Variants in BCAR3 observed in about 807,000 individuals in gnomAD.
BCAR3 encodes breast cancer anti-estrogen resistance protein 3.
BCAR3 carries 37 observed loss-of-function variants against 80.1 expected under a neutral mutation model. The ratio of observed to expected loss-of-function variants is 0.46; its 90% CI spans 0.36 to 0.61. The LOEUF is 0.61. Among genes scored for constraint, BCAR3 ranks in the 20% least tolerant of loss-of-function variants. The pLI is 0.00. For synonymous variants in BCAR3, 389 were observed against 418.9 expected, an observed-to-expected ratio of 0.93 and a Z score of 0.87; for missense variants, 978 against 1,068.2, an observed-to-expected ratio of 0.92 and a Z score of 1.18.
intron 3 of BCAR3, among the ~76,000 whole-genome samples, chr1:93,640,254 C>A (rs78484820): frequency 6.6e-6 from 1 of 152,154 alleles, no homozygotes; most frequent in Non-Finnish European, 1.5e-5. Context: ...ACAGACCCAA[C>A]CCAAGAAGAT....
chr1:93,601,861 G>A (rs1444385970), intron 3 of BCAR3, among the ~76,000 whole-genome samples: 2 of 152,176 alleles, frequency 1.3e-5, no homozygotes, highest in Non-Finnish European at 2.9e-5. Flanking sequence ...TTCTATCCTA[G>A]TTGGGAGTGT....
At chr1:93,629,477 T>C (rs529586188) in intron 3 of BCAR3, among the ~76,000 whole-genome samples, 1 of 152,368 alleles carries the variant, frequency 6.6e-6, no homozygotes, top group African/African-American at 2.4e-5. Context: ...TGACAATTAA[T>C]TCTAATAATA....
At chr1:93,668,536 G>T (rs189457957) in intron 2 of BCAR3, among the ~76,000 whole-genome samples, 1 of 152,090 alleles carries the variant, frequency 6.6e-6, no homozygotes, top group Non-Finnish European at 1.5e-5. Flanking sequence ...CAAACACCGA[G>T]GGGTATTTCA....
intron 2 of BCAR3, among the ~76,000 whole-genome samples, chr1:93,759,559 T>A (rs77753109): frequency 0.019 from 2,818 of 152,218 alleles, 70 homozygotes; most frequent in African/African-American, 0.062. Context: ...AAGTTTCCTG[T>A]TTTTTCTTCA....
intron 2 of BCAR3, among the ~76,000 whole-genome samples, chr1:93,804,634 G>A (rs763940735): frequency 1.7e-4 from 26 of 152,228 alleles, no homozygotes; most frequent in Non-Finnish European, 3.4e-4. Context: ...AGATTTTATC[G>A]TACTACTCAG....
chr1:93,628,643 G>A (rs1269804115), intron 3 of BCAR3, among the ~76,000 whole-genome samples: 1 of 152,000 alleles, frequency 6.6e-6, no homozygotes, highest in African/African-American at 2.4e-5. Flanking sequence ...CCCTTCCCTG[G>A]TCACCCTATC....
chr1:93,656,859 C>A (rs1387107202), intron 2 of BCAR3, among the ~76,000 whole-genome samples: 1 of 152,200 alleles, frequency 6.6e-6, no homozygotes, highest in Non-Finnish European at 1.5e-5. Flanking sequence ...ATATGAGCCA[C>A]TGCACCCGGC....
intron 2 of BCAR3, among the ~76,000 whole-genome samples, chr1:93,796,450 C>T (rs1434059998): frequency 6.7e-6 from 1 of 148,182 alleles, no homozygotes. Flanking sequence ...TTCTTTGACT[C>T]GGAAAGGGAA....
chr1:93,629,247 C>T (rs1018364903), intron 3 of BCAR3, among the ~76,000 whole-genome samples: 3 of 152,214 alleles, frequency 2.0e-5, no homozygotes, highest in Non-Finnish European at 2.9e-5. Context: ...CCTGGGCACA[C>T]GCTGTCTCCC....
intron 2 of BCAR3, among the ~76,000 whole-genome samples, chr1:93,784,746 G>A (rs1004415701): frequency 4.6e-5 from 7 of 152,232 alleles, no homozygotes; most frequent in South Asian, 4.1e-4. Context: ...AGGACAAAGC[G>A]AGCATTGTGA....
In BCAR3 at chr1:93,703,250, C is replaced by T. The variant is rs567768064; in HGVS notation, c.-12+2842G>A. Among the ~76,000 whole-genome samples the T allele has an allele frequency of 7.2e-5, 11 of 152,280 alleles. 1 individual carries two copies. In the South Asian group the frequency reaches 1.7e-3, roughly 23 times the overall value. ...ACTTTTAAAAATTATTGACATTTAA[C>T]GATCAGCTGTGTGTGTATTAGGGAT... On this transcript the variant is annotated intron_variant, in intron 3 of 13. Transcript: ENST00000370244.
intron 2 of BCAR3, among the ~76,000 whole-genome samples, chr1:93,823,998 G>A (rs1212951502): frequency 3.0e-5 from 4 of 133,916 alleles, no homozygotes; most frequent in Admixed American, 7.7e-5. Context: ...GCGCCTGGCC[G>A]AAAAGTATCT....
chr1:93,732,834 C>A (rs865848714), intron 2 of BCAR3, among the ~76,000 whole-genome samples: 56 of 152,272 alleles, frequency 3.7e-4, no homozygotes, highest in African/African-American at 1.3e-3. Context: ...CTTCTCAGGG[C>A]AGCAATTTCA....
intron 2 of BCAR3, among the ~76,000 whole-genome samples, chr1:93,818,980 A>G (rs531782693): frequency 6.2e-4 from 94 of 152,320 alleles, no homozygotes; most frequent in African/African-American, 2.2e-3. Context: ...TATTTTTGTA[A>G]ATAGAAAAGT....
chr1:93,641,957 T>C (rs768947149), intron 3 of BCAR3, among the ~76,000 whole-genome samples: 6 of 152,222 alleles, frequency 3.9e-5, no homozygotes, highest in Non-Finnish European at 8.8e-5. Context: ...TATTCTTACT[T>C]GTCACTGTGA....
At chr1:93,766,619 G>A (rs1002993790) in intron 2 of BCAR3, among the ~76,000 whole-genome samples, 14 of 152,256 alleles carry the variant, frequency 9.2e-5, no homozygotes, top group African/African-American at 2.9e-4. Context: ...ACGGCTGCCC[G>A]TCCACATTCC....
chr1:93,844,059 C>A (rs746284011), intron 2 of BCAR3, among the ~76,000 whole-genome samples: 13 of 152,190 alleles, frequency 8.5e-5, no homozygotes, highest in Non-Finnish European at 1.9e-4. Flanking sequence ...TAGCTCACGC[C>A]TCACTTTGGG....
intron 2 of BCAR3, among the ~76,000 whole-genome samples, chr1:93,758,879 C>A (rs972063251): frequency 6.6e-6 from 1 of 152,158 alleles, no homozygotes; most frequent in Non-Finnish European, 1.5e-5. Context: ...GGAGAAAAGT[C>A]CAGCTGTCTG....
chr1:93,712,673 G>T (rs1032714891), intron 2 of BCAR3, among the ~76,000 whole-genome samples: 1 of 152,100 alleles, frequency 6.6e-6, no homozygotes, highest in African/African-American at 2.4e-5. Context: ...AGCATGCTAA[G>T]CACCTTACGC....
Sources: allele counts gnomAD v4.1 joint callset (sites outside exome capture counted in the v4.1 genomes callset), GRCh38; gene constraint gnomAD v4.1.1; transcripts MANE v1.5; gene names NCBI Gene and HGNC (gene_info 2026-07-23, HGNC 2026-07-21).